Variants in ZBTB25 observed in about 807,000 individuals in gnomAD.
The protein encoded by ZBTB25 is zinc finger and BTB domain-containing protein 25.
ZBTB25 carries 20 observed loss-of-function variants against 34.2 expected under a neutral mutation model. The observed-to-expected ratio is 0.58, with a 90% CI of 0.41 to 0.85. The LOEUF is 0.85. Among genes scored for constraint, ZBTB25 ranks in the 40% least tolerant of loss-of-function variants. The pLI is 0.00. For missense variants in ZBTB25, 437 were observed against 521.8 expected, an observed-to-expected ratio of 0.84 and a Z score of 1.58; for synonymous variants, 175 against 186.4, an observed-to-expected ratio of 0.94 and a Z score of 0.50.
chr14:64,468,867 C>A, intron 2 of ZBTB25: 3 of 1,614,078 alleles, frequency 1.9e-6, no homozygotes, highest in Non-Finnish European at 2.5e-6. Flanking sequence ...CAGGAAGAAG[C>A]TGAAATTTTG....
At chr14:64,491,109 C>T (rs897617230) in intron 1 of ZBTB25, among the ~76,000 whole-genome samples, 2 of 152,232 alleles carry the variant, frequency 1.3e-5, no homozygotes, top group Non-Finnish European at 2.9e-5. Flanking sequence ...CACAGTAGCT[C>T]AGGAACTCTT....
At chr14:64,458,181 T>G in intron 2 of ZBTB25, 6 of 1,478,338 alleles carry the variant, frequency 4.1e-6, no homozygotes, top group African/African-American at 1.4e-5. Context: ...GTGCCCAGCA[T>G]TAGTTTATTT....
At chr14:64,471,629 T>TCC (rs367981390) in intron 2 of ZBTB25, 75 of 167,224 alleles carry the variant, frequency 4.5e-4, no homozygotes, top group African/African-American at 1.7e-3. Flanking sequence ...AGAGTGCACT[T>TCC]CCCTACCTCA....
chr14:64,452,020 G>C (rs770454075), intron 2 of ZBTB25, among the ~76,000 whole-genome samples: 1 of 152,128 alleles, frequency 6.6e-6, no homozygotes, highest in South Asian at 2.1e-4. Flanking sequence ...AACTTGGCTG[G>C]GCGCTGTGGT....
chr14:64,494,762 A>C (rs1006940903), intron 1 of ZBTB25, among the ~76,000 whole-genome samples: 1 of 152,252 alleles, frequency 6.6e-6, no homozygotes, highest in African/African-American at 2.4e-5. Flanking sequence ...ATATGAAAGA[A>C]ACCTGGAGTA....
At chr14:64,476,451 G>A (rs1216886674), downstream of ZBTB25, among the ~76,000 whole-genome samples, 1 of 152,066 alleles carries the variant, frequency 6.6e-6, no homozygotes, top group African/African-American at 2.4e-5. Context: ...TCAGCCTGCC[G>A]CTGAGATTAC....
chr14:64,487,803 T>C lies in ZBTB25; in HGVS notation c.428A>G (p.Gln143Arg), dbSNP rs768087188. 1.9e-6 allele frequency: 3 copies of C among 1,614,218 alleles called. No homozygotes were observed. The highest frequency in any genetic ancestry group is 1.1e-5 in the South Asian group (1 of 91,086). Reference sequence around the variant, plus strand: ...AGGAGCTTCTTTGACCTCCAGTCCTTGTTTGACAACTGTTTTTTGGGTTGT... The same window carrying C: ...AGGAGCTTCTTTGACCTCCAGTCCTCGTTTGACAACTGTTTTTTGGGTTGT... Reference protein sequence around the residue: ...ISTTQKTVVKQGLEVKEAPSS... With the variant: ...ISTTQKTVVKRGLEVKEAPSS... Residue 143 changes from glutamine (Q) to arginine (R), a missense_variant, in exon 3 of 3, where the codon CAA becomes CGA. Coordinates refer to ENST00000608382, the MANE Select transcript of ZBTB25 (RefSeq NM_006977.5).
chr14:64,486,487 T>C lies in ZBTB25; in HGVS notation c.*436A>G. On this transcript the variant is annotated 3_prime_UTR_variant, in exon 3 of 3. Coordinates refer to ENST00000608382, the MANE Select transcript of ZBTB25 (RefSeq NM_006977.5). ...TTAAAGTAACTATTAATTTCCTATA[T>C]GGAAGAAAATATTTAAAAATAATCC... The C allele has an allele frequency of 1.0e-6, 1 of 965,206 alleles. No individual in the cohort carries two copies. Among genetic ancestry groups the C allele is most frequent in the Non-Finnish European group, 1.2e-6 (1 of 811,032 alleles). 59.8% of individuals were successfully genotyped at this position (965,206 alleles called of 1,614,324 possible). A position where few individuals can be genotyped will look rare whatever the true frequency, so the allele number is the denominator to read the frequency against.
chr14:64,497,370 CTATTT>C (rs1296120548), intron 1 of ZBTB25, among the ~76,000 whole-genome samples: 1 of 151,146 alleles, frequency 6.6e-6, no homozygotes, highest in African/African-American at 2.5e-5. Context: ...CTTTGACTGT[CTATTT>C]TATTTTCTCT....
At chr14:64,497,119 G>A (rs1449318191) in intron 1 of ZBTB25, among the ~76,000 whole-genome samples, 3 of 151,844 alleles carry the variant, frequency 2.0e-5, no homozygotes, top group Non-Finnish European at 4.4e-5. Context: ...AATCAAATAA[G>A]GGAGTAAACT....
upstream of ZBTB25, chr14:64,504,984 T>G (rs1380325799): frequency 2.5e-6 from 1 of 392,924 alleles, no homozygotes; most frequent in Admixed American, 4.5e-5. Context: ...TTGCGCAACT[T>G]TGGCCCAGGC....
Position 64,486,650 on chromosome 14 carries a change from T to C in ZBTB25, c.*273A>G. On this transcript the variant is annotated 3_prime_UTR_variant, in exon 3 of 3. Transcript: ENST00000608382. ...AAAAACTTAGAATTCTATAAATAAC[T>C]ATTTAAGGTTTCCATATTTCTACAT... The C allele has an allele frequency of 9.6e-7, 1 of 1,038,504 alleles. No homozygotes were observed. Among genetic ancestry groups the C allele is most frequent in the Non-Finnish European group, 1.2e-6 (1 of 843,576 alleles). The allele number at this position is 1,038,504 out of a possible 1,614,324, so 64.3% of individuals were successfully genotyped here.
At position 64,486,018 on chromosome 14, in the gene ZBTB25, T is replaced by C. The variant is rs78801026; in HGVS notation, c.*905A>G. ...CTTCTCCCTTTAACTGTTTTTTTTA[T>C]TAAAAATGAGATATACCACATCTGT... On this transcript the variant is annotated 3_prime_UTR_variant, in exon 3 of 3. Transcript: ENST00000608382. 3.2e-3 allele frequency: 3,151 copies of C among 984,400 alleles called. 79 individuals carry two copies. In the African/African-American group the frequency reaches 0.052, roughly 16 times the overall value. 61.0% of individuals were successfully genotyped at this position (984,400 alleles called of 1,614,324 possible).
intron 1 of ZBTB25, among the ~76,000 whole-genome samples, chr14:64,495,248 C>G (rs1036219861): frequency 8.5e-5 from 13 of 152,202 alleles, no homozygotes. Context: ...ATTACCTTAG[C>G]TGGACTTAAA....
chr14:64,454,901 T>G, intron 2 of ZBTB25: 1 of 1,612,506 alleles, frequency 6.2e-7, no homozygotes, highest in Non-Finnish European at 8.5e-7. Flanking sequence ...AAGGGAGTAG[T>G]GGGCGCATCT....
At chr14:64,490,619 C>G in intron 1 of ZBTB25, 79 bp from the exon 2 acceptor site, 1 of 1,303,654 alleles carries the variant, frequency 7.7e-7, no homozygotes, top group East Asian at 2.4e-5. Context: ...AAATTGTCTA[C>G]AGTTCACACA....
chr14:64,494,758 AAG>A (rs1443087994), intron 1 of ZBTB25, among the ~76,000 whole-genome samples: 3 of 152,366 alleles, frequency 2.0e-5, no homozygotes, highest in African/African-American at 7.2e-5. Context: ...TTACATATGA[AAG>A]AAACCTGGAG....
At chr14:64,457,385 C>A (rs1393753411) in intron 2 of ZBTB25, among the ~76,000 whole-genome samples, 1 of 152,090 alleles carries the variant, frequency 6.6e-6, no homozygotes, top group Admixed American at 6.6e-5. Flanking sequence ...CTGCTTGTGA[C>A]CACATGGAAG....
At chr14:64,497,380 T>G (rs1364337747) in intron 1 of ZBTB25, among the ~76,000 whole-genome samples, 1 of 152,238 alleles carries the variant, frequency 6.6e-6, no homozygotes, top group Non-Finnish European at 1.5e-5. Flanking sequence ...CTATTTTATT[T>G]TCTCTAGTAT....
Sources: allele counts gnomAD v4.1 joint callset (sites outside exome capture counted in the v4.1 genomes callset), GRCh38; gene constraint gnomAD v4.1.1; transcripts MANE v1.5; gene names NCBI Gene and HGNC (gene_info 2026-07-23, HGNC 2026-07-21).